The following TCF4 variants were observed in gnomAD, a reference collection of about 807,000 sequenced individuals.
TCF4 encodes transcription factor 4.
TCF4 carries 3 observed loss-of-function variants against 82.1 expected under a neutral mutation model. The observed-to-expected ratio is 0.04, with a 90% CI of 0.02 to 0.09. TCF4 has a LOEUF of 0.09. TCF4 is among the 10% of genes least tolerant of loss of function. The pLI is 1.00. For missense variants in TCF4, 518 were observed against 852.7 expected (o/e 0.61, Z 4.89); for synonymous variants, 276 against 309.6 (o/e 0.89, Z 1.14).
At chr18:55,272,006 T>G (rs2060485234) in intron 10 of TCF4, among the ~76,000 whole-genome samples, 1 of 152,046 alleles carries the variant, frequency 6.6e-6, no homozygotes, top group South Asian at 2.1e-4. Flanking sequence ...AGGAGAAGAA[T>G]TATAAATATT....
At chr18:55,449,985 T>C (rs2095594504) in intron 5 of TCF4, among the ~76,000 whole-genome samples, 1 of 152,100 alleles carries the variant, frequency 6.6e-6, no homozygotes, top group South Asian at 2.1e-4. Context: ...GATAACATAA[T>C]AGTAGGTGTA....
At chr18:55,254,771 T>G in intron 14 of TCF4, 71 bp from the exon 15 acceptor site, 1 of 1,397,778 alleles carries the variant, frequency 7.2e-7, no homozygotes, top group Admixed American at 2.0e-5. Flanking sequence ...AAGTAAAATT[T>G]TAGTCGACAA....
At chr18:55,321,794 C>T (rs1247021930) in intron 8 of TCF4, 1 of 1,510,520 alleles carries the variant, frequency 6.6e-7, no homozygotes, top group African/African-American at 1.4e-5. Flanking sequence ...ATTTCAAACT[C>T]GCTGTCCCTT....
chr18:55,604,115 A>G (rs555798044), intron 2 of TCF4, among the ~76,000 whole-genome samples: 2 of 152,282 alleles, frequency 1.3e-5, no homozygotes, highest in East Asian at 3.9e-4. Flanking sequence ...TGACTGGGTA[A>G]TTATTATTTT....
intron 2 of TCF4, among the ~76,000 whole-genome samples, chr18:55,606,872 A>G (rs2147956308): frequency 6.6e-6 from 1 of 152,326 alleles, no homozygotes; most frequent in East Asian, 1.9e-4. Context: ...ATATACTCCC[A>G]TGGCTAGGAA....
At chr18:55,613,481 T>C (rs2097709078) in intron 2 of TCF4, among the ~76,000 whole-genome samples, 1 of 152,320 alleles carries the variant, frequency 6.6e-6, no homozygotes, top group South Asian at 2.1e-4. Context: ...TTTTTATTGC[T>C]GGGTAGTATT....
At chr18:55,608,208 T>A (rs1247808097) in intron 2 of TCF4, among the ~76,000 whole-genome samples, 1 of 152,194 alleles carries the variant, frequency 6.6e-6, no homozygotes, top group East Asian at 1.9e-4. Flanking sequence ...AAGATTTTAA[T>A]ATACTGATAT....
chr18:55,435,604 G>A (rs1422181723), intron 5 of TCF4, among the ~76,000 whole-genome samples: 3 of 152,288 alleles, frequency 2.0e-5, no homozygotes, highest in Non-Finnish European at 4.4e-5. Context: ...TGGCTCTCAT[G>A]TTCATGTAGA....
At chr18:55,459,918 A>T (rs1449814087) in intron 5 of TCF4, among the ~76,000 whole-genome samples, 1 of 152,212 alleles carries the variant, frequency 6.6e-6, no homozygotes, top group Non-Finnish European at 1.5e-5. Context: ...CCCATTAAAA[A>T]TAAGTTGCTA....
chr18:55,457,890 G>A (rs1172719483), intron 5 of TCF4, among the ~76,000 whole-genome samples: 2 of 152,050 alleles, frequency 1.3e-5, no homozygotes, highest in Admixed American at 6.5e-5. Context: ...TACCATAGAG[G>A]TTATAAACAA....
At chr18:55,355,907 A>C (rs994237870) in intron 6 of TCF4, among the ~76,000 whole-genome samples, 2 of 152,198 alleles carry the variant, frequency 1.3e-5, no homozygotes, top group Non-Finnish European at 2.9e-5. Flanking sequence ...AGTAGAAGTC[A>C]AATCTATTAA....
At chr18:55,607,031 T>C (rs1290940483) in intron 2 of TCF4, among the ~76,000 whole-genome samples, 1 of 152,152 alleles carries the variant, frequency 6.6e-6, no homozygotes, top group African/African-American at 2.4e-5. Context: ...CACCATATGT[T>C]CGGCAATACC....
intron 2 of TCF4, among the ~76,000 whole-genome samples, chr18:55,607,777 T>C (rs1403722745): frequency 6.6e-6 from 1 of 152,226 alleles, no homozygotes; most frequent in Non-Finnish European, 1.5e-5. Context: ...TAAAATGTGC[T>C]AATTCCATTT....
upstream of TCF4, chr18:55,589,206 C>T: frequency 1.0e-6 from 1 of 959,194 alleles, no homozygotes; most frequent in Non-Finnish European, 1.3e-6. Context: ...AATAGGTTGT[C>T]CCTTTTGTTT....
intron 2 of TCF4, among the ~76,000 whole-genome samples, chr18:55,621,775 AATATAATATATATTATATATTAT>A (rs2097720432): frequency 1.1e-5 from 1 of 91,674 alleles, no homozygotes; most frequent in East Asian, 3.6e-4. Flanking sequence ...TATAATATAT[AATATAATATATATTATATATTAT>A]ATGTTATATT....
At chr18:55,356,917 CA>C (rs1339632262) in intron 6 of TCF4, among the ~76,000 whole-genome samples, 1 of 152,058 alleles carries the variant, frequency 6.6e-6, no homozygotes, top group Non-Finnish European at 1.5e-5. Context: ...ACCAAACACT[CA>C]AAAATTCAAA....
At chr18:55,474,294 T>A (rs1050230199) in intron 3 of TCF4, among the ~76,000 whole-genome samples, 5 of 152,216 alleles carry the variant, frequency 3.3e-5, no homozygotes, top group Non-Finnish European at 7.3e-5. Context: ...ACAACCTTGT[T>A]CATCAGAATT....
At chr18:55,402,308 G>A in intron 6 of TCF4, 2 of 826,868 alleles carry the variant, frequency 2.4e-6, no homozygotes, top group Non-Finnish European at 2.9e-6. Context: ...ACCTTCCTAT[G>A]TCTGGTACGT....
In TCF4 at chr18:55,227,885, C is replaced by T; in HGVS notation, c.*150G>A. 8.5e-6 allele frequency: 2 copies of T among 235,266 alleles called. No individual in the cohort carries two copies. The highest frequency in any genetic ancestry group is 5.8e-5 in the South Asian group (1 of 17,296). The allele number at this position is 235,266 out of a possible 1,614,324, so 14.6% of individuals were successfully genotyped here. A position where few individuals can be genotyped will look rare whatever the true frequency, so the allele number is the denominator to read the frequency against. The stretch of plus-strand genomic sequence containing the variant: ...TTTTGATAATTGGGAATGCTGAAAC[C>T]TCTTGCGTCTGCGATTCATAACTAC... On this transcript the variant is annotated 3_prime_UTR_variant, in exon 20 of 20. Transcript: ENST00000354452.
Sources: allele counts gnomAD v4.1 joint callset (sites outside exome capture counted in the v4.1 genomes callset), GRCh38; gene constraint gnomAD v4.1.1; transcripts MANE v1.5; gene names NCBI Gene and HGNC (gene_info 2026-07-23, HGNC 2026-07-21).